Variants in ADCY8 observed in about 807,000 individuals in gnomAD.
The protein encoded by ADCY8 is adenylate cyclase 8, also known as adenylate cyclase type 8.
Under a neutral mutation model 119.7 loss-of-function variants are expected in ADCY8, and 51 were observed. The observed-to-expected ratio is 0.43, with a 90% CI of 0.34 to 0.54. ADCY8 has a LOEUF of 0.54. ADCY8 is among the 20% of genes least tolerant of loss of function. The pLI, the probability that ADCY8 is intolerant of heterozygous loss-of-function variation, is 0.03. For missense variants in ADCY8, 1,383 were observed against 1,598.8 expected, an observed-to-expected ratio of 0.87 and a Z score of 2.30; for synonymous variants, 665 against 651.0, an observed-to-expected ratio of 1.02 and a Z score of -0.33.
chr8:130,905,931 T>A (rs886078578), intron 6 of ADCY8, among the ~76,000 whole-genome samples: 1 of 152,314 alleles, frequency 6.6e-6, no homozygotes, highest in Admixed American at 6.5e-5. Flanking sequence ...CTACTCCCTC[T>A]CATCCTTCTA....
chr8:130,807,732 C>A (rs955215272), intron 14 of ADCY8, among the ~76,000 whole-genome samples: 1 of 151,944 alleles, frequency 6.6e-6, no homozygotes, highest in African/African-American at 2.4e-5. Context: ...TGCCTGTAAT[C>A]CCAGCACTTT....
chr8:130,933,647 G>A lies in ADCY8; in HGVS notation c.1481+3426C>T, dbSNP rs149518045. 3.2e-4 allele frequency among the ~76,000 whole-genome samples: 49 copies of A among 152,222 alleles called. No individual in the cohort carries two copies. In the East Asian group the frequency reaches 6.2e-3, roughly 19 times the overall value. Reference sequence around the variant, plus strand: ...ATTTTGATTCATACAGTTTGAAAAAGACTTTGAATCATTTCTCACTGTTCA... The same window carrying A: ...ATTTTGATTCATACAGTTTGAAAAAAACTTTGAATCATTTCTCACTGTTCA... On this transcript the variant is annotated intron_variant, in intron 5 of 17. Coordinates refer to ENST00000286355, the MANE Select transcript of ADCY8 (RefSeq NM_001115.3).
chr8:130,894,778 C>T (rs1373960127), intron 7 of ADCY8, among the ~76,000 whole-genome samples: 1 of 152,146 alleles, frequency 6.6e-6, no homozygotes, highest in Non-Finnish European at 1.5e-5. Flanking sequence ...AGAATTCAGT[C>T]ACCTTAGAAT....
At chr8:131,036,955 T>G (rs960509940) in intron 1 of ADCY8, among the ~76,000 whole-genome samples, 1 of 152,186 alleles carries the variant, frequency 6.6e-6, no homozygotes, top group Non-Finnish European at 1.5e-5. Context: ...TTTAGCAGGT[T>G]TTGAGCATTC....
In ADCY8 at chr8:130,814,313, G is replaced by T. The variant is rs141958955; in HGVS notation, c.2755-86C>A. The T allele has an allele frequency of 1.7e-4, 247 of 1,433,266 alleles. 1 individual carries two copies. The African/African-American group carries it at 2.2e-3, about 13-fold the overall frequency. The allele number at this position is 1,433,266 out of a possible 1,614,324, so 88.8% of individuals were successfully genotyped here. A position where few individuals can be genotyped will look rare whatever the true frequency, so the allele number is the denominator to read the frequency against. ...CACAGACAACTGGGAGGCAGGAAAG[G>T]CTTCTCTGGAACTCTTCACAAATGA... On this transcript the variant is annotated intron_variant, in intron 13 of 17. Transcript: ENST00000286355.
chr8:131,002,685 C>G (rs884102), intron 1 of ADCY8, among the ~76,000 whole-genome samples: 87,896 of 151,554 alleles, frequency 0.58, 26,793 homozygotes, highest in East Asian at 0.78. Flanking sequence ...AATGAGGCCT[C>G]CTGAACTCAG....
chr8:130,812,462 A>G (rs1350555438), intron 14 of ADCY8, among the ~76,000 whole-genome samples: 1 of 152,226 alleles, frequency 6.6e-6, no homozygotes, highest in Non-Finnish European at 1.5e-5. Context: ...GGTCATACTC[A>G]ATTAGGGTGA....
chr8:130,813,618 G>T (rs1563675341), intron 14 of ADCY8, among the ~76,000 whole-genome samples: 1 of 152,110 alleles, frequency 6.6e-6, no homozygotes, highest in Non-Finnish European at 1.5e-5. Context: ...ATCACATTTT[G>T]TTTATCTATT....
intron 7 of ADCY8, among the ~76,000 whole-genome samples, chr8:130,895,574 C>A (rs1185251351): frequency 6.6e-6 from 1 of 152,002 alleles, no homozygotes; most frequent in Non-Finnish European, 1.5e-5. Context: ...AAAAGCAGAC[C>A]CCACTAATGA....
At chr8:130,837,372 A>G (rs949444222) in intron 11 of ADCY8, among the ~76,000 whole-genome samples, 3 of 152,042 alleles carry the variant, frequency 2.0e-5, no homozygotes, top group Non-Finnish European at 2.9e-5. Context: ...ACTCTCATCC[A>G]TATGCCTAGG....
intron 16 of ADCY8, 34 bp downstream of exon 16, chr8:130,785,349 C>A: frequency 6.8e-7 from 1 of 1,476,938 alleles, no homozygotes. Flanking sequence ...AAGACCCCAC[C>A]ATGCATTGTG....
chr8:130,813,050 C>T (rs181357098), intron 14 of ADCY8, among the ~76,000 whole-genome samples: 187 of 151,486 alleles, frequency 1.2e-3, no homozygotes, highest in Non-Finnish European at 1.9e-3. Flanking sequence ...CAGGTTCAAA[C>T]GATACTCCTG....
At chr8:130,951,395 TG>T (rs1051215752) in intron 3 of ADCY8, among the ~76,000 whole-genome samples, 4 of 152,074 alleles carry the variant, frequency 2.6e-5, no homozygotes, top group African/African-American at 9.7e-5. Flanking sequence ...CATGGATGGA[TG>T]GATAGATGGA....
intron 8 of ADCY8, among the ~76,000 whole-genome samples, chr8:130,874,394 A>G (rs1228572029): frequency 6.6e-6 from 1 of 152,148 alleles, no homozygotes; most frequent in African/African-American, 2.4e-5. Flanking sequence ...TTGCAATGAG[A>G]CTAATTTTCA....
At chr8:130,986,348 G>GAAC (rs1366386073) in intron 2 of ADCY8, among the ~76,000 whole-genome samples, 1 of 152,100 alleles carries the variant, frequency 6.6e-6, no homozygotes, top group Non-Finnish European at 1.5e-5. Flanking sequence ...GAATTCAATA[G>GAAC]AACTAGTTAA....
chr8:130,802,205 C>G (rs1265231324), intron 14 of ADCY8, among the ~76,000 whole-genome samples: 2 of 152,268 alleles, frequency 1.3e-5, no homozygotes, highest in South Asian at 2.1e-4. Flanking sequence ...CTTGGTGGCA[C>G]CAGCATTGCC....
At chr8:131,033,101 T>G (rs1824045590) in intron 1 of ADCY8, among the ~76,000 whole-genome samples, 4 of 152,192 alleles carry the variant, frequency 2.6e-5, no homozygotes, top group Non-Finnish European at 5.9e-5. Flanking sequence ...TCTACTGGTC[T>G]CCCAGAGAAT....
chr8:130,826,560 T>C (rs192974901), intron 12 of ADCY8, among the ~76,000 whole-genome samples: 10 of 152,310 alleles, frequency 6.6e-5, no homozygotes, highest in Non-Finnish European at 1.2e-4. Flanking sequence ...ATGAGAATGG[T>C]AGTACATTTT....
At chr8:130,956,462 A>G (rs1372578748) in intron 2 of ADCY8, among the ~76,000 whole-genome samples, 3 of 152,150 alleles carry the variant, frequency 2.0e-5, no homozygotes, top group African/African-American at 7.2e-5. Flanking sequence ...TTTGAGGGTA[A>G]ATCTCATTTC....
Sources: gnomAD v4.1 joint callset for allele counts (sites outside exome capture counted in the v4.1 genomes callset) on GRCh38, gnomAD v4.1.1 for gene constraint, MANE v1.5 for transcripts, NCBI Gene and HGNC (gene_info 2026-07-23, HGNC 2026-07-21) for gene names.